Variants in ACTN2 observed in about 807,000 individuals in gnomAD.
ACTN2 encodes actinin alpha 2, also known as alpha-actinin-2.
ACTN2 carries 39 observed loss-of-function variants against 113.8 expected under a neutral mutation model. The ratio of observed to expected loss-of-function variants is 0.34; its 90% CI spans 0.27 to 0.45. The LOEUF (loss-of-function observed/expected upper bound fraction) is 0.45, where lower values mean the gene tolerates loss of function less well. Among genes scored for constraint, ACTN2 ranks in the 20% least tolerant of loss-of-function variants. The pLI is 1.00. For missense variants in ACTN2, 992 were observed against 1,177.9 expected (o/e 0.84, Z 2.31); for synonymous variants, 429 against 444.1 (o/e 0.97, Z 0.43).
Position 236,754,025 on chromosome 1 carries a change from C to T in ACTN2, c.1918C>T (p.Arg640Cys), listed in dbSNP as rs769453411. 23 of 1,614,142 alleles carry T rather than the reference C, an allele frequency of 1.4e-5. No homozygotes were observed. The highest frequency in any genetic ancestry group is 5.3e-5 in the African/African-American group (4 of 75,076). ...ARQHANERLR[R>C]QFAAQANAIG... ...CCAGCATGCTAACGAGCGTCTGAGG[C>T]GCCAGTTTGCTGCCCAAGCCAATGC... The change falls in exon 16 of 21, where the codon CGC becomes TGC. Residue 640 changes from arginine to cysteine, a missense_variant. By Grantham distance (180) the Arg-to-Cys change is radical. This residue lies in a region of ACTN2 where 736 missense variants were observed against 815.4 expected (regional missense o/e 0.90). Transcript: ENST00000366578. This position sits in a 1 kb window ranked among gnomAD's most constrained non-coding sequence, Gnocchi z 4.9.
chr1:236,715,039 A>C (rs543225770), intron 1 of ACTN2, among the ~76,000 whole-genome samples: 1 of 152,042 alleles, frequency 6.6e-6, no homozygotes, highest in East Asian at 1.9e-4. Flanking sequence ...CTGAAGGGAT[A>C]TGCAAGAGAC....
In ACTN2 at chr1:236,734,381, A is replaced by C. The variant is rs1658803328; in HGVS notation, c.698-1254A>C. 3.1e-6 allele frequency: 4 copies of C among 1,310,776 alleles called. No homozygotes were observed. The Admixed American group carries it at 8.3e-5, about 27-fold the overall frequency. 81.2% of individuals were successfully genotyped at this position (1,310,776 alleles called of 1,614,324 possible). ...CACCTCTGAGGAAGTGCTTAGCAGA[A>C]GCCTGCTGGTATTAGAACATCCACG... On this transcript the variant is annotated intron_variant, in intron 7 of 20. Transcript: ENST00000366578.
chr1:236,739,815 C>T (rs1659013849), intron 10 of ACTN2, among the ~76,000 whole-genome samples: 1 of 152,158 alleles, frequency 6.6e-6, no homozygotes, highest in Non-Finnish European at 1.5e-5. Context: ...TGGCCTTGGC[C>T]CCTCATGTCC....
At chr1:236,719,076 G>A (rs1437362161) in intron 3 of ACTN2, 63 bp downstream of exon 3, 6 of 1,607,374 alleles carry the variant, frequency 3.7e-6, no homozygotes, top group Admixed American at 1.7e-5. Context: ...TGTGGGCTGC[G>A]ACTTGAATTC....
At chr1:236,699,163 C>A (rs1657603145) in intron 1 of ACTN2, among the ~76,000 whole-genome samples, 1 of 152,180 alleles carries the variant, frequency 6.6e-6, no homozygotes, top group African/African-American at 2.4e-5. Flanking sequence ...GTTTTTGTTG[C>A]TTTCTGCTCG....
chr1:236,726,074 A>T lies in ACTN2; in HGVS notation c.536+54A>T, dbSNP rs137881951. 9.4e-3 allele frequency: 14,088 copies of T among 1,497,116 alleles called. 93 individuals are homozygous for T. The highest frequency in any genetic ancestry group is 0.012 in the Non-Finnish European group (12,817 of 1,073,364). The allele number at this position is 1,497,116 out of a possible 1,614,324, so 92.7% of individuals were successfully genotyped here. A position where few individuals can be genotyped will look rare whatever the true frequency, so the allele number is the denominator to read the frequency against. ...ATTCTCAGTGGAATCTGTGGGTAGC[A>T]TGGGGAACAGTGTTTGTGTGCACCC... On this transcript the variant is annotated intron_variant, in intron 5 of 20. Coordinates refer to ENST00000366578, the MANE Select transcript of ACTN2 (RefSeq NM_001103.4).
chr1:236,717,328 T>G (rs1286551849), intron 1 of ACTN2, among the ~76,000 whole-genome samples: 1 of 152,030 alleles, frequency 6.6e-6, no homozygotes, highest in African/African-American at 2.4e-5. Flanking sequence ...TCCCAGCTAC[T>G]TAGGGGGCTG....
intron 12 of ACTN2, among the ~76,000 whole-genome samples, chr1:236,746,397 G>T (rs1365089531): frequency 6.6e-6 from 1 of 151,984 alleles, no homozygotes; most frequent in African/African-American, 2.4e-5. Flanking sequence ...GAGGTACTGG[G>T]TTAAGCTTCT....
At position 236,755,141 on chromosome 1, in the gene ACTN2, T is replaced by A; in HGVS notation, c.2097T>A (p.His699Gln). ...KNNIDKLEGD[H>Q]QLIQEALVFD... ...ACATCGACAAGCTGGAGGGAGACCA[T>A]CAGCTCATCCAGGAGGCCCTTGTCT... Residue 699 changes from histidine to glutamine, a missense_variant, in exon 17 of 21, where the codon CAT becomes CAA. Coordinates refer to ENST00000366578, the MANE Select transcript of ACTN2 (RefSeq NM_001103.4). The A allele has an allele frequency of 6.2e-7, 1 of 1,614,154 alleles. No homozygotes were observed. Among genetic ancestry groups the A allele is most frequent in the Non-Finnish European group, 8.5e-7 (1 of 1,180,028 alleles).
At chr1:236,738,082 G>A (rs12141939) in intron 9 of ACTN2, among the ~76,000 whole-genome samples, 67,557 of 151,926 alleles carry the variant, frequency 0.44, 17,799 homozygotes, top group Non-Finnish European at 0.59. Flanking sequence ...CAGTCCTGGC[G>A]CACTGCAACC....
intron 1 of ACTN2, among the ~76,000 whole-genome samples, chr1:236,687,884 A>G (rs1665932542): frequency 6.6e-6 from 1 of 152,260 alleles, no homozygotes; most frequent in Admixed American, 6.5e-5. Context: ...TTTTTATATC[A>G]GGATGTCTCT....
intron 14 of ACTN2, among the ~76,000 whole-genome samples, chr1:236,750,391 G>T (rs1186201421): frequency 6.6e-6 from 1 of 152,142 alleles, no homozygotes; most frequent in Non-Finnish European, 1.5e-5. Flanking sequence ...AAGAGGCTCC[G>T]ATGGTGTTTC....
chr1:236,730,003 T>G (rs747046780), intron 6 of ACTN2, among the ~76,000 whole-genome samples: 3 of 152,238 alleles, frequency 2.0e-5, no homozygotes, highest in African/African-American at 4.8e-5. Flanking sequence ...TATTCACACA[T>G]GCATATATGC....
intron 18 of ACTN2, among the ~76,000 whole-genome samples, chr1:236,758,212 A>C (rs1659602376): frequency 6.6e-6 from 1 of 152,006 alleles, no homozygotes; most frequent in Admixed American, 6.6e-5. Flanking sequence ...AGTAGAACCA[A>C]TTCTTTATGA....
intron 3 of ACTN2, 109 bp from the exon 4 acceptor site, chr1:236,719,996 T>C: frequency 1.3e-6 from 1 of 762,992 alleles, no homozygotes. Context: ...GGTCTTTCCA[T>C]CCATATGCAC....
In ACTN2 at chr1:236,751,617, G is replaced by A. The variant is rs377356540; in HGVS notation, c.1804G>A (p.Val602Ile). 1 of 1,613,892 alleles carries A rather than the reference G, an allele frequency of 6.2e-7. No individual in the cohort carries two copies. Among genetic ancestry groups the A allele is most frequent in the African/African-American group, 1.3e-5 (1 of 74,918 alleles). The change falls in exon 15 of 21, where the codon GTC (valine) becomes ATC (isoleucine). Residue 602 changes from valine (V) to isoleucine (I), a missense_variant. Physicochemically the swap from Val to Ile is conservative, Grantham distance 29. Transcript: ENST00000366578. ...CAGCTCAAGCAACCCGTACAGCACT[G>A]TCACCATGGATGAGCTCCGGACCAA... is the stretch of plus-strand genomic sequence containing the variant. ...RISSSNPYST[V>I]TMDELRTKWD...
At chr1:236,707,618 A>G (rs1257591509) in intron 1 of ACTN2, among the ~76,000 whole-genome samples, 2 of 151,508 alleles carry the variant, frequency 1.3e-5, no homozygotes, top group Non-Finnish European at 2.9e-5. Context: ...CTTATAATCC[A>G]TCATACCTCA....
chr1:236,725,902 TG>T, intron 4 of ACTN2, 30 bp from the exon 5 acceptor site: 6 of 1,607,196 alleles, frequency 3.7e-6, no homozygotes, highest in Non-Finnish European at 5.1e-6. Flanking sequence ...GGCATTTCCC[TG>T]GGGCCACTTT....
intron 10 of ACTN2, among the ~76,000 whole-genome samples, chr1:236,741,499 T>C (rs1320953527): frequency 6.6e-6 from 1 of 152,216 alleles, no homozygotes; most frequent in Non-Finnish European, 1.5e-5. Flanking sequence ...GTTTCCTCGA[T>C]CCTAGTAAAT....
Sources: gnomAD v4.1 joint callset for allele counts (sites outside exome capture counted in the v4.1 genomes callset) on GRCh38, gnomAD v4.1.1 for gene constraint, gnomAD v4.1.1 regional missense constraint, Gnocchi (gnomAD v3.1) non-coding constraint, MANE v1.5 for transcripts, NCBI Gene and HGNC (gene_info 2026-07-23, HGNC 2026-07-21) for gene names.